The following DEPDC5 variants were observed in gnomAD, a reference collection of about 807,000 sequenced individuals.
The protein encoded by DEPDC5 is GATOR1 complex protein DEPDC5.
DEPDC5 carries 73 observed loss-of-function variants against 217.3 expected under a neutral mutation model. The ratio of observed to expected loss-of-function variants is 0.34; its 90% CI spans 0.28 to 0.41. DEPDC5 has a LOEUF of 0.41. Ranked by LOEUF, DEPDC5 falls within the 10% of genes least tolerant of loss-of-function variation. The probability of loss-of-function intolerance (pLI) is 1.00; values close to 1 mark genes in which losing one functional copy is unlikely to be tolerated. For missense variants in DEPDC5, 1,675 were observed against 2,070.1 expected, an observed-to-expected ratio of 0.81 and a Z score of 3.70; for synonymous variants, 733 against 756.7, an observed-to-expected ratio of 0.97 and a Z score of 0.51.
At position 31,806,130 on chromosome 22, in the gene DEPDC5, C is replaced by T. The variant is rs773704927; in HGVS notation, c.1226C>T (p.Thr409Ile). 1.2e-6 allele frequency: 2 copies of T among 1,613,466 alleles called. No homozygotes were observed. Among genetic ancestry groups the T allele is most frequent in the African/African-American group, 1.3e-5 (1 of 75,004 alleles). ...GTTTGTTTCTTTTACAGTTTCTACA[C>T]ATCCAAAAGCCAGCTCTTTTGTAAT... The part of the protein sequence containing the change: ...IPHWINHSFY[T>I]SKSQLFCNSF... The change falls in exon 18 of 43, where the codon ACA (threonine) becomes ATA (isoleucine). Residue 409 changes from threonine (T) to isoleucine (I), a missense_variant. By Grantham distance (89) the Thr-to-Ile change is moderately conservative. Transcript: ENST00000651528.
chr22:31,759,676 C>CTTTTTT (rs35291104), intron 3 of DEPDC5, among the ~76,000 whole-genome samples: 1 of 94,964 alleles, frequency 1.1e-5, no homozygotes, highest in African/African-American at 4.4e-5. Context: ...CGCGCCCAGC[C>CTTTTTT]TTTTTTTTTT....
rs2089230334 is a variant in DEPDC5 at position 31,817,231 on chromosome 22, T to C, written c.1667-1791T>C. 1.8e-5 allele frequency: 3 copies of C among 165,180 alleles called. No individual in the cohort carries two copies. In the South Asian group the frequency reaches 4.3e-4, roughly 24 times the overall value. 10.2% of individuals were successfully genotyped at this position (165,180 alleles called of 1,614,324 possible). On this transcript the variant is annotated intron_variant, in intron 21 of 42. Coordinates refer to ENST00000651528, the MANE Select transcript of DEPDC5 (RefSeq NM_001242896.3). ...TTCAAGCAATTCTCTTGCCTCAGCC[T>C]CCCGAGTAGCTGTGATCACAGGTGC...
chr22:31,784,873 A>G lies in DEPDC5; in HGVS notation c.622A>G (p.Lys208Glu), dbSNP rs1169788093. The change falls in exon 10 of 43, where the codon AAG becomes GAG. Residue 208 changes from lysine to glutamate, a missense_variant and splice_region_variant. Physicochemically the swap from Lys to Glu is moderately conservative, Grantham distance 56. Around this residue, in one of 11 missense-constraint regions of DEPDC5, gnomAD observed 628 missense variants for 762.1 expected, o/e 0.82. Transcript: ENST00000651528. ...CCTTGCTGATCTATTTACCAAGTGG[A>G]AGGTACATTTCTTCTTACACACTAA... ...GFLADLFTKW[K>E]EKNCSHEVTV... The G allele has an allele frequency of 6.2e-7, 1 of 1,612,584 alleles. No individual in the cohort carries two copies. Among genetic ancestry groups the G allele is most frequent in the South Asian group, 1.1e-5 (1 of 90,916 alleles).
At chr22:31,843,063 A>G (rs1295944527) in intron 27 of DEPDC5, 32 bp from the exon 28 acceptor site, 21 of 1,543,884 alleles carry the variant, frequency 1.4e-5, no homozygotes, top group Non-Finnish European at 1.9e-5. Context: ...TGAGCTTCAA[A>G]CAGATGGAGG....
intron 31 of DEPDC5, among the ~76,000 whole-genome samples, chr22:31,855,380 CTTT>C (rs56923919): frequency 2.2e-5 from 3 of 137,116 alleles, no homozygotes; most frequent in Non-Finnish European, 1.6e-5. Context: ...CAAAATATTT[CTTT>C]TTTTTTTTTT....
At chr22:31,838,365 A>C (rs1303274196) in intron 26 of DEPDC5, among the ~76,000 whole-genome samples, 2 of 152,046 alleles carry the variant, frequency 1.3e-5, no homozygotes, top group Non-Finnish European at 2.9e-5. Flanking sequence ...GGCTCACTGC[A>C]ACCTCTGCTG....
chr22:31,773,592 T>TA (rs2083548634), intron 7 of DEPDC5, among the ~76,000 whole-genome samples: 1 of 152,204 alleles, frequency 6.6e-6, no homozygotes, highest in Non-Finnish European at 1.5e-5. Flanking sequence ...CCAGAAGACT[T>TA]ACAGTATTTC....
chr22:31,894,631 G>T (rs34914089), intron 39 of DEPDC5: 4,099 of 152,210 alleles, frequency 0.027, 91 homozygotes, highest in Non-Finnish European at 0.039. Context: ...GATCACTCAA[G>T]GTCAGGAGTT....
Position 31,847,110 on chromosome 22 carries a change from T to C in DEPDC5, c.3155+143T>C, listed in dbSNP as rs2091781065. On this transcript the variant is annotated intron_variant, in intron 31 of 42. Transcript: ENST00000651528. ...AAGGCATTTATGTGAAAAGGAAGGCTAATACCTGGTAGGTGTTGGATAACA... is the reference window on the plus strand; with the variant it reads ...AAGGCATTTATGTGAAAAGGAAGGCCAATACCTGGTAGGTGTTGGATAACA... 4 of 1,175,590 alleles carry C rather than the reference T, an allele frequency of 3.4e-6. No homozygotes were observed. In the African/African-American group the frequency reaches 4.6e-5, roughly 14 times the overall value. The allele number at this position is 1,175,590 out of a possible 1,614,324, so 72.8% of individuals were successfully genotyped here. A position where few individuals can be genotyped will look rare whatever the true frequency, so the allele number is the denominator to read the frequency against.
At position 31,804,812 on chromosome 22, in the gene DEPDC5, T is replaced by A. The variant is rs554118846; in HGVS notation, c.1144-30T>A. Reference sequence around the variant, plus strand: ...TTCCAAAACCTACTTGTTCTGTAGCTTATCTGTGCTCTCATTTTTCTCCTT... The same window carrying A: ...TTCCAAAACCTACTTGTTCTGTAGCATATCTGTGCTCTCATTTTTCTCCTT... On this transcript the variant is annotated intron_variant, in intron 16 of 42. Transcript: ENST00000651528. 5.7e-5 allele frequency: 91 copies of A among 1,606,038 alleles called. 4 individuals carry two copies. The highest frequency in any genetic ancestry group is 4.4e-4 in the South Asian group (40 of 90,346).
chr22:31,761,138 C>T lies in DEPDC5; in HGVS notation c.193+436C>T, dbSNP rs550195163. On this transcript the variant is annotated intron_variant, in intron 4 of 42. Coordinates refer to ENST00000651528, the MANE Select transcript of DEPDC5 (RefSeq NM_001242896.3). Reference sequence around the variant, plus strand: ...CTGGGACTACAGGCACCTGCCACCACGCCTGGCTAATTTTTTGTATTTTTA... The same window carrying T: ...CTGGGACTACAGGCACCTGCCACCATGCCTGGCTAATTTTTTGTATTTTTA... Among the ~76,000 whole-genome samples, 5 of 152,202 alleles carry T rather than the reference C, an allele frequency of 3.3e-5. No individual in the cohort carries two copies. The South Asian group carries it at 6.2e-4, about 19-fold the overall frequency.
chr22:31,778,453 C>T (rs1247902498), intron 8 of DEPDC5, among the ~76,000 whole-genome samples: 1 of 152,052 alleles, frequency 6.6e-6, no homozygotes, highest in Non-Finnish European at 1.5e-5. Context: ...TGCATCACTG[C>T]ACTCCAGCCT....
intron 33 of DEPDC5, among the ~76,000 whole-genome samples, chr22:31,865,721 G>A (rs977160932): frequency 1.3e-5 from 2 of 152,170 alleles, no homozygotes; most frequent in African/African-American, 4.8e-5. Flanking sequence ...TTTGCTCACC[G>A]CTAGATGGCA....
chr22:31,821,351 T>C, intron 22 of DEPDC5, 151 bp from the exon 23 acceptor site: 2 of 970,832 alleles, frequency 2.1e-6, no homozygotes, highest in Non-Finnish European at 3.1e-6. Context: ...GAAGAGCAGA[T>C]GTCCTTTGGG....
At chr22:31,831,251 TCA>T (rs768843616) in intron 24 of DEPDC5, 2 of 152,352 alleles carry the variant, frequency 1.3e-5, no homozygotes, top group Non-Finnish European at 2.9e-5. Flanking sequence ...TCTCTGAGCC[TCA>T]GTTTCTTTAT....
At chr22:31,784,149 A>G in intron 9 of DEPDC5, 164 bp downstream of exon 9, 2 of 551,058 alleles carry the variant, frequency 3.6e-6, no homozygotes, top group Non-Finnish European at 6.2e-6. Context: ...TCTCGTTCTA[A>G]AGATACACTA....
chr22:31,878,906 G>A (rs1472736432), intron 37 of DEPDC5, among the ~76,000 whole-genome samples: 4 of 150,968 alleles, frequency 2.6e-5, no homozygotes, highest in South Asian at 2.1e-4. Flanking sequence ...GCGTGGTGGC[G>A]CATGTTGCTA....
chr22:31,760,431 C>T (rs966784747), intron 3 of DEPDC5, among the ~76,000 whole-genome samples: 1 of 152,106 alleles, frequency 6.6e-6, no homozygotes, highest in Non-Finnish European at 1.5e-5. Flanking sequence ...GTCTCGATCT[C>T]CTGACCTCGT....
chr22:31,842,324 C>T (rs2091442195), intron 27 of DEPDC5, among the ~76,000 whole-genome samples: 1 of 152,096 alleles, frequency 6.6e-6, no homozygotes, highest in South Asian at 2.1e-4. Context: ...GCCTGTAATC[C>T]CAGCACTTCG....
Sources: allele counts gnomAD v4.1 joint callset (sites outside exome capture counted in the v4.1 genomes callset), GRCh38; gene constraint gnomAD v4.1.1; regional missense constraint gnomAD v4.1.1; transcripts MANE v1.5; gene names NCBI Gene and HGNC (gene_info 2026-07-23, HGNC 2026-07-21).